USP54: variants seen among roughly 807,000 people sequenced by gnomAD.
The protein encoded by USP54 is ubiquitin carboxyl-terminal hydrolase 54.
USP54 carries 87 observed loss-of-function variants against 170.5 expected under a neutral mutation model. That is an observed-to-expected ratio of 0.51 (90% CI 0.43 to 0.61). USP54 has a LOEUF of 0.61. Ranked by LOEUF, USP54 falls within the 20% of genes least tolerant of loss-of-function variation. The pLI is 0.00. For synonymous variants in USP54, 655 were observed against 742.8 expected, an observed-to-expected ratio of 0.88 and a Z score of 1.92; for missense variants, 1,786 against 2,047.8, an observed-to-expected ratio of 0.87 and a Z score of 2.47.
At chr10:73,520,134 A>T (rs907625036) in intron 18 of USP54, 142 bp from the exon 19 acceptor site, 89 of 1,218,028 alleles carry the variant, frequency 7.3e-5, no homozygotes, top group Non-Finnish European at 9.6e-5. Context: ...GACCATGCAT[A>T]TGCTGTCCAG....
At position 73,516,571 on chromosome 10, in the gene USP54, G is replaced by A. The variant is rs2042584101; in HGVS notation, c.3855C>T (p.Ser1285=). Residue 1285 remains serine, a synonymous_variant, in exon 20 of 24, where the codon TCC becomes TCT. Transcript: ENST00000687698. ...CACACGTATGGGAATCATGAGGGGA[G>A]GACTTCATTCCTGGCCTAGGTGCCC... ...KHGAPRPGMK[S]SPHDSHTCVT... 1.2e-6 allele frequency: 2 copies of A among 1,614,210 alleles called. No homozygotes were observed. Among genetic ancestry groups the A allele is most frequent in the Non-Finnish European group, 1.7e-6 (2 of 1,180,046 alleles).
chr10:73,577,350 G>C (rs2076253538), intron 1 of USP54, among the ~76,000 whole-genome samples: 1 of 152,136 alleles, frequency 6.6e-6, no homozygotes, highest in Non-Finnish European at 1.5e-5. Context: ...CTGAGGTACA[G>C]GAATATTAAA....
Position 73,517,080 on chromosome 10 carries a change from C to T in USP54, c.3346G>A (p.Glu1116Lys). ...CTGGGAAACTCTGGCCTATAGGTCTCCTCACTGCCTCTGTCCACTTTTAAA... is the reference window on the plus strand; with the variant it reads ...CTGGGAAACTCTGGCCTATAGGTCTTCTCACTGCCTCTGTCCACTTTTAAA... ...LTLKVDRGSE[E>K]TYRPEFPSTK... The change falls in exon 20 of 24, where the codon GAG becomes AAG. Residue 1116 changes from glutamate to lysine, a missense_variant. Transcript: ENST00000687698. The T allele has an allele frequency of 6.2e-7, 1 of 1,614,198 alleles. No homozygotes were observed. Among genetic ancestry groups the T allele is most frequent in the Non-Finnish European group, 8.5e-7 (1 of 1,180,042 alleles).
chr10:73,539,482 G>C lies in USP54; in HGVS notation c.937C>G (p.Arg313Gly). The C allele has an allele frequency of 1.9e-6, 3 of 1,608,988 alleles. No homozygotes were observed. Among genetic ancestry groups the C allele is most frequent in the Non-Finnish European group, 2.5e-6 (3 of 1,176,800 alleles). Residue 313 changes from arginine (R) to glycine (G), a missense_variant, in exon 10 of 24, where the codon CGC (arginine) becomes GGC (glycine). This residue lies in a region of USP54 where 361 missense variants were observed against 455.0 expected (regional missense o/e 0.79). Transcript: ENST00000687698. ...GCATCATCAAAATACATCCATTTGC[G>C]AATCTTTGTTTGAAAAAAGAATGTA... is the stretch of plus-strand genomic sequence containing the variant. ...YSTFFFQTKI[R>G]KWMYFDDAHV...
Position 73,534,547 on chromosome 10 carries a change from G to C in USP54, c.1315+53C>G. The C allele has an allele frequency of 2.5e-6, 4 of 1,575,690 alleles. 1 individual carries two copies. In the South Asian group the frequency reaches 3.5e-5, roughly 14 times the overall value. On this transcript the variant is annotated intron_variant, in intron 12 of 23. Transcript: ENST00000687698. ...GCCTCACAGTTTCTTTTTCTTAGGA[G>C]ATCTATGCAGGAATTGATTCAGGCA...
At chr10:73,552,468 C>CACAA (rs977732959) in intron 4 of USP54, among the ~76,000 whole-genome samples, 2 of 147,198 alleles carry the variant, frequency 1.4e-5, no homozygotes, top group African/African-American at 5.0e-5. Flanking sequence ...TAAATGAGTA[C>CACAA]ACACACACAC....
chr10:73,544,354 T>C (rs1181414673), intron 5 of USP54, among the ~76,000 whole-genome samples: 5 of 152,272 alleles, frequency 3.3e-5, no homozygotes, highest in Admixed American at 2.6e-4. Context: ...TGCTGCATAG[T>C]TCTTCACGGT....
intron 1 of USP54, among the ~76,000 whole-genome samples, chr10:73,622,994 T>C (rs1028267585): frequency 6.6e-6 from 1 of 151,796 alleles, no homozygotes; most frequent in African/African-American, 2.4e-5. Context: ...AATTTTCTCC[T>C]CAAACTTCCA....
At chr10:73,577,898 C>G (rs1174256637) in intron 1 of USP54, among the ~76,000 whole-genome samples, 1 of 152,152 alleles carries the variant, frequency 6.6e-6, no homozygotes, top group African/African-American at 2.4e-5. Context: ...CCACTCAAGG[C>G]CACTAAGCAA....
chr10:73,571,137 C>CAAATAA (rs1466887755), intron 4 of USP54, among the ~76,000 whole-genome samples: 1 of 44,326 alleles, frequency 2.3e-5, no homozygotes, highest in Non-Finnish European at 6.1e-5. Flanking sequence ...GACTTCATCC[C>CAAATAA]AAAAAAAAAA....
At chr10:73,590,919 CCTT>C (rs1194209006) in intron 1 of USP54, among the ~76,000 whole-genome samples, 5 of 152,052 alleles carry the variant, frequency 3.3e-5, no homozygotes, top group African/African-American at 1.2e-4. Flanking sequence ...TCACAAATAA[CCTT>C]CTTCTGTTTG....
rs528147945 is a variant in USP54 at position 73,577,773 on chromosome 10, T to A, written c.-581-1412A>T. On this transcript the variant is annotated intron_variant, in intron 1 of 23. Coordinates refer to ENST00000687698, the MANE Select transcript of USP54 (RefSeq NM_001391956.1). ...AAAGCTCCTATTACAGTGCCAGTCA[T>A]AAGAAGGCAGTCAATAAATACTGCC... Among the ~76,000 whole-genome samples the A allele has an allele frequency of 1.8e-4, 28 of 152,288 alleles. No homozygotes were observed. The East Asian group carries it at 4.4e-3, about 24-fold the overall frequency.
chr10:73,527,368 G>A (rs2063076592), intron 15 of USP54, among the ~76,000 whole-genome samples: 1 of 151,830 alleles, frequency 6.6e-6, no homozygotes, highest in Non-Finnish European at 1.5e-5. Flanking sequence ...TGTGGTGGTG[G>A]GCGCCTGTAG....
intron 20 of USP54, among the ~76,000 whole-genome samples, chr10:73,509,622 A>C (rs1241067561): frequency 2.6e-5 from 4 of 152,122 alleles, no homozygotes; most frequent in Non-Finnish European, 5.9e-5. Context: ...CTCATTAAAA[A>C]AAAAAAAAAA....
At chr10:73,528,124 C>T (rs375460426) in intron 15 of USP54, among the ~76,000 whole-genome samples, 374 of 151,964 alleles carry the variant, frequency 2.5e-3, no homozygotes, top group African/African-American at 8.5e-3. Context: ...TTAGTAGAGA[C>T]GGGGTTTCAC....
chr10:73,603,421 A>T (rs80034659), intron 1 of USP54, among the ~76,000 whole-genome samples: 3,371 of 152,316 alleles, frequency 0.022, 127 homozygotes, highest in African/African-American at 0.076. Flanking sequence ...TCCACAATAT[A>T]TAAAGACCTC....
intron 1 of USP54, among the ~76,000 whole-genome samples, chr10:73,611,777 C>G (rs370481656): frequency 2.7e-5 from 4 of 146,584 alleles, no homozygotes; most frequent in African/African-American, 1.0e-4. Flanking sequence ...GTCTGGGCAA[C>G]AGAGCGGGAC....
intron 1 of USP54, among the ~76,000 whole-genome samples, chr10:73,589,482 C>G (rs1365944913): frequency 6.6e-6 from 1 of 152,180 alleles, no homozygotes; most frequent in Non-Finnish European, 1.5e-5. Flanking sequence ...GAAAGTTACC[C>G]TATATAATAA....
chr10:73,526,395 A>C (rs1014439152), intron 16 of USP54, among the ~76,000 whole-genome samples: 4 of 152,086 alleles, frequency 2.6e-5, no homozygotes. Flanking sequence ...CTACAGGTGC[A>C]CGCCGCTACG....
Sources: gnomAD v4.1 joint callset for allele counts (sites outside exome capture counted in the v4.1 genomes callset) on GRCh38, gnomAD v4.1.1 for gene constraint, gnomAD v4.1.1 regional missense constraint, MANE v1.5 for transcripts, NCBI Gene and HGNC (gene_info 2026-07-23, HGNC 2026-07-21) for gene names.